The following BCL9L variants were observed in gnomAD, a reference collection of about 807,000 sequenced individuals.
BCL9L encodes the protein B-cell CLL/lymphoma 9-like protein.
BCL9L carries 19 observed loss-of-function variants against 99.4 expected under a neutral mutation model. The ratio of observed to expected loss-of-function variants is 0.19; its 90% CI spans 0.13 to 0.28. The LOEUF (loss-of-function observed/expected upper bound fraction) is 0.28, where lower values mean the gene tolerates loss of function less well. Among genes scored for constraint, BCL9L ranks in the 10% least tolerant of loss-of-function variants. The pLI, the probability that BCL9L is intolerant of heterozygous loss-of-function variation, is 1.00. For synonymous variants in BCL9L, 900 were observed against 854.8 expected (o/e 1.05, Z -0.92); for missense variants, 2,023 against 2,101.6 (o/e 0.96, Z 0.73).
chr11:118,920,825 C>A (rs1941116623), intron 1 of BCL9L, among the ~76,000 whole-genome samples: 1 of 152,164 alleles, frequency 6.6e-6, no homozygotes, highest in South Asian at 2.1e-4. Context: ...ACGGAACTGC[C>A]AGAAGCCTTG....
intron 2 of BCL9L, among the ~76,000 whole-genome samples, chr11:118,917,953 T>G (rs905975609): frequency 2.0e-5 from 3 of 151,238 alleles, no homozygotes; most frequent in African/African-American, 7.3e-5. Context: ...GAGGGTGGAG[T>G]CCCAGCCCTG....
rs1291541977 is a variant in BCL9L at position 118,897,643 on chromosome 11, T to A, written c.*772A>T. ...GGGACGAGACAGGAATGGTATCCCTTAGGGACCCAGAGACACTGCAAACAG... is the reference window on the plus strand; with the variant it reads ...GGGACGAGACAGGAATGGTATCCCTAAGGGACCCAGAGACACTGCAAACAG... On this transcript the variant is annotated 3_prime_UTR_variant, in exon 10 of 10. Coordinates refer to ENST00000683865, the MANE Select transcript of BCL9L (RefSeq NM_001378213.1). 3.4e-5 allele frequency: 13 copies of A among 382,564 alleles called. No homozygotes were observed. Among genetic ancestry groups the A allele is most frequent in the South Asian group, 1.4e-4 (7 of 50,666 alleles). 23.7% of individuals were successfully genotyped at this position (382,564 alleles called of 1,614,324 possible).
Position 118,898,239 on chromosome 11 carries a change from C to A in BCL9L, c.*176G>T. ...CAAAATCCCCCACCCCACACTGCCACTTCCCCCTAAGCTGCCAGCACATCT... is the reference window on the plus strand; with the variant it reads ...CAAAATCCCCCACCCCACACTGCCAATTCCCCCTAAGCTGCCAGCACATCT... On this transcript the variant is annotated 3_prime_UTR_variant, in exon 10 of 10. Transcript: ENST00000683865. The A allele has an allele frequency of 1.1e-6, 1 of 934,212 alleles. No homozygotes were observed. The highest frequency in any genetic ancestry group is 1.6e-6 in the Non-Finnish European group (1 of 644,998). The allele number at this position is 934,212 out of a possible 1,614,324, so 57.9% of individuals were successfully genotyped here.
chr11:118,904,673 AG>A (rs748381141), intron 5 of BCL9L, among the ~76,000 whole-genome samples: 3 of 152,224 alleles, frequency 2.0e-5, no homozygotes, highest in Non-Finnish European at 2.9e-5. Flanking sequence ...GCCCGCAGAC[AG>A]TAAGTACCAG....
chr11:118,904,617 TG>T (rs970147155), intron 5 of BCL9L, among the ~76,000 whole-genome samples: 61 of 152,178 alleles, frequency 4.0e-4, no homozygotes, highest in African/African-American at 1.3e-3. Context: ...TCTAGGTGAG[TG>T]GGTAGACCCA....
intron 3 of BCL9L, among the ~76,000 whole-genome samples, chr11:118,909,309 G>A (rs1940675918): frequency 6.6e-6 from 1 of 152,150 alleles, no homozygotes; most frequent in Non-Finnish European, 1.5e-5. Flanking sequence ...TTGAAGCCAA[G>A]GATTCCTGCA....
intron 2 of BCL9L, among the ~76,000 whole-genome samples, chr11:118,913,636 T>A (rs930608703): frequency 2.0e-4 from 30 of 151,990 alleles, no homozygotes; most frequent in African/African-American, 7.3e-4. Context: ...GCGGGCACTC[T>A]GGGCCAGGCA....
intron 2 of BCL9L, chr11:118,910,366 A>G (rs1940727510): frequency 5.5e-6 from 1 of 182,616 alleles, no homozygotes; most frequent in Non-Finnish European, 1.2e-5. Flanking sequence ...CCCCTCACCC[A>G]GGGTGGGGTA....
Position 118,900,023 on chromosome 11 carries a change from G to C in BCL9L, c.3300C>G (p.Thr1100=), listed in dbSNP as rs1437990517. The change falls in exon 9 of 10, where the codon ACC becomes ACG. Residue 1100 remains threonine, a synonymous_variant. Coordinates refer to ENST00000683865, the MANE Select transcript of BCL9L (RefSeq NM_001378213.1). The surrounding 1 kb of genome is among the most constrained non-coding windows in gnomAD (Gnocchi z 5.3). ...QMSKYAMPSS[T]PLYHNAIKTI... ...TCTTGATGGCATTGTGGTAGAGCGG[G>C]GTGGAGCTGGGCATGGCGTACTTGG... 6.2e-7 allele frequency: 1 copy of C among 1,613,982 alleles called. No homozygotes were observed. The highest frequency in any genetic ancestry group is 8.5e-7 in the Non-Finnish European group (1 of 1,179,996).
Position 118,902,534 on chromosome 11 carries a change from C to T in BCL9L, c.1209G>A (p.Gln403=), listed in dbSNP as rs766141426. 16 of 1,604,004 alleles carry T rather than the reference C, an allele frequency of 1.0e-5. No homozygotes were observed. Among genetic ancestry groups the T allele is most frequent in the Admixed American group, 1.7e-5 (1 of 60,016 alleles). Residue 403 remains glutamine (Q), a synonymous_variant, in exon 8 of 10, where the codon CAG becomes CAA. Coordinates refer to ENST00000683865, the MANE Select transcript of BCL9L (RefSeq NM_001378213.1). The surrounding 1 kb of genome is among the most constrained non-coding windows in gnomAD (Gnocchi z 7.8). ...LVGSEGLSKE[Q]LEHRERSLQT... ...GGAGGGACCGTTCCCGATGCTCCAG[C>T]TGCTCTTTGGACAAGCCCTCTGAGC...
Position 118,903,570 on chromosome 11 carries a change from G to T in BCL9L, c.533-118C>A. The stretch of plus-strand genomic sequence containing the variant: ...GCTCGTGCCCACAGGGACATTTGAT[G>T]TCAGTATCTGGTGTTCTCACCAGGC... On this transcript the variant is annotated intron_variant, in intron 5 of 9. Transcript: ENST00000683865. The surrounding 1 kb of genome is among the most constrained non-coding windows in gnomAD (Gnocchi z 5.6). 2 of 1,115,038 alleles carry T rather than the reference G, an allele frequency of 1.8e-6. No homozygotes were observed. The highest frequency in any genetic ancestry group is 1.3e-6 in the Non-Finnish European group (1 of 755,192). The allele number at this position is 1,115,038 out of a possible 1,614,324, so 69.1% of individuals were successfully genotyped here.
At chr11:118,916,834 C>T (rs1018226619) in intron 2 of BCL9L, among the ~76,000 whole-genome samples, 2 of 152,250 alleles carry the variant, frequency 1.3e-5, no homozygotes, top group Admixed American at 6.5e-5. Context: ...CACACTGACA[C>T]TTCTCTCCCC....
At position 118,900,304 on chromosome 11, in the gene BCL9L, C is replaced by A; in HGVS notation, c.3125-106G>T. The A allele has an allele frequency of 7.7e-7, 1 of 1,297,276 alleles. No homozygotes were observed. The highest frequency in any genetic ancestry group is 2.5e-5 in the East Asian group (1 of 39,466). 80.4% of individuals were successfully genotyped at this position (1,297,276 alleles called of 1,614,324 possible). A position where few individuals can be genotyped will look rare whatever the true frequency, so the allele number is the denominator to read the frequency against. The stretch of plus-strand genomic sequence containing the variant: ...GGAAGCGGTCAGTTCCCCAAATCAC[C>A]TGGTCCTTCAGACACACCCACAGGC... On this transcript the variant is annotated intron_variant, in intron 8 of 9. Transcript: ENST00000683865. The surrounding 1 kb of genome is among the most constrained non-coding windows in gnomAD (Gnocchi z 5.3).
chr11:118,916,475 G>A (rs911109389), intron 2 of BCL9L, among the ~76,000 whole-genome samples: 1 of 152,174 alleles, frequency 6.6e-6, no homozygotes. Context: ...GGGCCTATAG[G>A]AGCCCTGGCC....
At chr11:118,907,815 C>T (rs772997827) in intron 4 of BCL9L, among the ~76,000 whole-genome samples, 1 of 152,254 alleles carries the variant, frequency 6.6e-6, no homozygotes, top group Non-Finnish European at 1.5e-5. Flanking sequence ...CCCTCCCCCC[C>T]AACACCAAGT....
chr11:118,912,103 C>A (rs949202800), intron 2 of BCL9L, among the ~76,000 whole-genome samples: 2 of 152,216 alleles, frequency 1.3e-5, no homozygotes, highest in Non-Finnish European at 2.9e-5. Context: ...CACACCTCCC[C>A]CCTTTGCCCC....
chr11:118,900,820 A>C lies in BCL9L; in HGVS notation c.2923T>G (p.Ser975Ala). The C allele has an allele frequency of 6.2e-7, 1 of 1,613,732 alleles. No individual in the cohort carries two copies. The highest frequency in any genetic ancestry group is 8.5e-7 in the Non-Finnish European group (1 of 1,179,862). Residue 975 changes from serine (S) to alanine (A), a missense_variant, in exon 8 of 10, where the codon TCG (serine) becomes GCG (alanine). Physicochemically the swap from Ser to Ala is moderately conservative, Grantham distance 99. Transcript: ENST00000683865. This position sits in a 1 kb window ranked among gnomAD's most constrained non-coding sequence, Gnocchi z 5.3. ...PSANPPGPLKSPQVLGSSLSV... is the reference protein window; with the variant it reads ...PSANPPGPLKAPQVLGSSLSV... ...AGGGAGGAGCCGAGGACCTGGGGCG[A>C]CTTGAGAGGTCCTGGCGGGTTGGCA...
rs148245393 is a variant in BCL9L, at chr11:118,903,393, G to C, written c.592C>G (p.Gln198Glu). 6.2e-6 allele frequency: 10 copies of C among 1,612,278 alleles called. No homozygotes were observed. The African/African-American group carries it at 1.1e-4, about 17-fold the overall frequency. Residue 198 changes from glutamine (Q) to glutamate (E), a missense_variant, in exon 6 of 10, where the codon CAA becomes GAA. Around this residue, in one of 3 missense-constraint regions of BCL9L, gnomAD observed 1,116 missense variants for 1,194.6 expected, o/e 0.93. Transcript: ENST00000683865. The surrounding 1 kb of genome is among the most constrained non-coding windows in gnomAD (Gnocchi z 5.6). The part of the protein sequence containing the change: ...APQLGPGQTT[Q>E]LPLSESSVPG... ...ACGCTGCTCTCGCTGAGGGGCAGTT[G>C]GGTGGTTTGGCCGGGACCCAGCTGT...
At chr11:118,911,538 G>A (rs1013278394) in intron 2 of BCL9L, among the ~76,000 whole-genome samples, 2 of 152,276 alleles carry the variant, frequency 1.3e-5, no homozygotes, top group Non-Finnish European at 2.9e-5. Flanking sequence ...GAAGAGCAGA[G>A]GCAGAGGCTG....
Sources: gnomAD v4.1 joint callset for allele counts (sites outside exome capture counted in the v4.1 genomes callset) on GRCh38, gnomAD v4.1.1 for gene constraint, gnomAD v4.1.1 regional missense constraint, Gnocchi (gnomAD v3.1) non-coding constraint, MANE v1.5 for transcripts, NCBI Gene and HGNC (gene_info 2026-07-23, HGNC 2026-07-21) for gene names.